MOB1B: variants seen among roughly 807,000 people sequenced by gnomAD.
MOB1B encodes MOB1 Mps One Binder homolog B.
Under a neutral mutation model 24.4 loss-of-function variants are expected in MOB1B, and 19 were observed. The ratio of observed to expected loss-of-function variants is 0.78; its 90% CI spans 0.54 to 1.14. The LOEUF is 1.14. Ranked by LOEUF, MOB1B falls within the 50% of genes most tolerant of loss-of-function variation. The pLI is 0.00. For missense variants in MOB1B, 243 were observed against 259.6 expected (o/e 0.94, Z 0.44); for synonymous variants, 76 against 82.1 (o/e 0.93, Z 0.40).
intron 1 of MOB1B, among the ~76,000 whole-genome samples, chr4:70,937,240 T>A (rs1737122792): frequency 6.6e-6 from 1 of 151,804 alleles, no homozygotes; most frequent in African/African-American, 2.4e-5. Flanking sequence ...TTATTGGTTT[T>A]TTGATTTCTG....
chr4:70,907,738 A>C (rs1560625712), intron 1 of MOB1B, among the ~76,000 whole-genome samples: 1 of 152,146 alleles, frequency 6.6e-6, no homozygotes, highest in Non-Finnish European at 1.5e-5. Flanking sequence ...GCTTGAACCC[A>C]GGAGGCAGAA....
intron 1 of MOB1B, among the ~76,000 whole-genome samples, chr4:70,916,558 C>G (rs1451281744): frequency 6.6e-6 from 1 of 152,074 alleles, no homozygotes; most frequent in Non-Finnish European, 1.5e-5. Flanking sequence ...TTTGTTAATC[C>G]CCTGCCACTG....
intron 4 of MOB1B, among the ~76,000 whole-genome samples, chr4:70,978,544 C>T (rs1169420567): frequency 3.3e-5 from 5 of 152,192 alleles, no homozygotes; most frequent in Non-Finnish European, 5.9e-5. Flanking sequence ...TTCCCACCAA[C>T]AGTATATAAG....
At chr4:70,928,790 G>C (rs1736759793) in intron 1 of MOB1B, among the ~76,000 whole-genome samples, 2 of 152,132 alleles carry the variant, frequency 1.3e-5, no homozygotes, top group Admixed American at 1.3e-4. Context: ...GTCTTGCTAT[G>C]TTACCTAGGC....
Position 70,932,189 on chromosome 4 carries a change from A to G in MOB1B, c.15-26685A>G, listed in dbSNP as rs191671336. 4.6e-5 allele frequency among the ~76,000 whole-genome samples: 7 copies of G among 152,326 alleles called. No individual in the cohort carries two copies. In the East Asian group the frequency reaches 1.3e-3, roughly 29 times the overall value. On this transcript the variant is annotated intron_variant, in intron 1 of 5. Transcript: ENST00000309395. ...AATTATTGAATATCGATTGTATGCC[A>G]AGTGGTGCTCTATATTTCTATATAT... is the stretch of plus-strand genomic sequence containing the variant.
upstream of MOB1B, among the ~76,000 whole-genome samples, chr4:70,901,957 G>A (rs1404123546): frequency 3.3e-5 from 5 of 152,048 alleles, no homozygotes; most frequent in African/African-American, 1.2e-4. Flanking sequence ...ACCTTTCACC[G>A]CCCTTGGCCG....
chr4:70,941,563 G>A (rs1269769124), intron 1 of MOB1B, among the ~76,000 whole-genome samples: 1 of 151,840 alleles, frequency 6.6e-6, no homozygotes, highest in African/African-American at 2.4e-5. Context: ...GGATGGTCTC[G>A]ATCTCCTGAC....
chr4:70,975,128 T>C (rs781516825), intron 3 of MOB1B, 25 bp from the exon 4 acceptor site: 2 of 1,570,666 alleles, frequency 1.3e-6, no homozygotes, highest in South Asian at 1.2e-5. Context: ...TAATCTTCTG[T>C]GTGCTTTTTA....
At chr4:70,977,458 A>G (rs1248319036) in intron 4 of MOB1B, among the ~76,000 whole-genome samples, 1 of 152,172 alleles carries the variant, frequency 6.6e-6, no homozygotes, top group East Asian at 1.9e-4. Context: ...AATCTGCATC[A>G]TTTAGTAAGT....
intron 2 of MOB1B, among the ~76,000 whole-genome samples, chr4:70,965,582 G>T (rs1268646310): frequency 6.6e-6 from 1 of 150,942 alleles, no homozygotes; most frequent in African/African-American, 2.4e-5. Flanking sequence ...TGGATCACGA[G>T]GTCAGGAGAT....
intron 1 of MOB1B, among the ~76,000 whole-genome samples, chr4:70,930,551 A>G (rs747630477): frequency 6.6e-6 from 1 of 152,216 alleles, no homozygotes; most frequent in Admixed American, 6.5e-5. Context: ...GAGTATTTAC[A>G]AGTTGAACTA....
At chr4:70,981,893 C>T in intron 5 of MOB1B, 87 bp from the exon 6 acceptor site, 2 of 898,100 alleles carry the variant, frequency 2.2e-6, no homozygotes, top group South Asian at 3.0e-5. Flanking sequence ...AGCTAATTTC[C>T]AACAAATGTT....
intron 2 of MOB1B, among the ~76,000 whole-genome samples, chr4:70,964,895 A>C (rs1578393925): frequency 6.6e-6 from 1 of 151,298 alleles, no homozygotes; most frequent in Non-Finnish European, 1.5e-5. Flanking sequence ...GCACCATTGC[A>C]CTCCAGCCTA....
intron 1 of MOB1B, among the ~76,000 whole-genome samples, chr4:70,938,277 T>G (rs1156689138): frequency 1.3e-5 from 2 of 148,672 alleles, no homozygotes; most frequent in Admixed American, 1.3e-4. Context: ...ATGATTATCT[T>G]TTCAGGTCCT....
At chr4:70,932,593 G>A (rs1324886922) in intron 1 of MOB1B, among the ~76,000 whole-genome samples, 1 of 152,142 alleles carries the variant, frequency 6.6e-6, no homozygotes, top group Non-Finnish European at 1.5e-5. Context: ...AGAGAGGCTG[G>A]GAAGTAAATC....
At position 70,959,042 on chromosome 4, in the gene MOB1B, T is replaced by C. The variant is rs765987335; in HGVS notation, c.181+2T>C. The C allele has an allele frequency of 1.9e-6, 3 of 1,613,002 alleles. No individual in the cohort carries two copies. In the Admixed American group the frequency reaches 5.0e-5, roughly 27 times the overall value. On this transcript the variant is annotated splice_donor_variant, in intron 2 of 5. Transcript: ENST00000309395. LOFTEE classifies it high-confidence loss of function. ...TCAATGAATGGGTTGCAGTTAACAGTAAGTAGCCTTTTTATTTCTCAGTAG... is the reference window on the plus strand; with the variant it reads ...TCAATGAATGGGTTGCAGTTAACAGCAAGTAGCCTTTTTATTTCTCAGTAG...
rs187615532 is a variant in MOB1B at position 70,981,999 on chromosome 4, G to A, written c.593G>A (p.Arg198Lys). The A allele has an allele frequency of 2.6e-5, 42 of 1,610,674 alleles. No homozygotes were observed. The East Asian group carries it at 9.1e-4, about 35-fold the overall frequency. The change falls in exon 6 of 6, where the codon AGA becomes AAA. Residue 198 changes from arginine (R) to lysine (K), a missense_variant. Transcript: ENST00000309395. The part of the protein sequence containing the change: ...FFVQEFNLID[R>K]RELAPLQELI... ...GCATAGGAATTCAACCTTATTGATA[G>A]AAGAGAACTTGCACCACTCCAAGAA...
In MOB1B at chr4:70,988,097, T is replaced by C. The variant is rs1434527303; in HGVS notation, c.*6040T>C. 1 of 144,684 alleles carries C rather than the reference T, an allele frequency of 6.9e-6. No homozygotes were observed. Among genetic ancestry groups the C allele is most frequent in the Non-Finnish European group, 1.5e-5 (1 of 66,620 alleles). The allele number at this position is 144,684 out of a possible 1,614,324, so 9.0% of individuals were successfully genotyped here. On this transcript the variant is annotated 3_prime_UTR_variant, in exon 6 of 6. Coordinates refer to ENST00000309395, the MANE Select transcript of MOB1B (RefSeq NM_173468.4). ...TGGGAAATATTTAAATTCTAGGTGT[T>C]TTTTTTTTTTTAAAGAAGAAACTCA...
chr4:70,955,631 C>G (rs1017879047), intron 1 of MOB1B, among the ~76,000 whole-genome samples: 2 of 151,504 alleles, frequency 1.3e-5, no homozygotes, highest in African/African-American at 2.4e-5. Context: ...CCACCATGCC[C>G]AGCTAATTTT....
Sources: gnomAD v4.1 joint callset for allele counts (sites outside exome capture counted in the v4.1 genomes callset) on GRCh38, gnomAD v4.1.1 for gene constraint, MANE v1.5 for transcripts, NCBI Gene and HGNC (gene_info 2026-07-23, HGNC 2026-07-21) for gene names.